The following ZNF536 variants were observed in gnomAD, a reference collection of about 807,000 sequenced individuals.
ZNF536 encodes the protein zinc finger protein 536.
A neutral mutation model predicts 84.5 loss-of-function variants in ZNF536; 13 were observed. That is an observed-to-expected ratio of 0.15 (90% CI 0.10 to 0.24). The LOEUF (loss-of-function observed/expected upper bound fraction) is 0.24, where lower values mean the gene tolerates loss of function less well. Among genes scored for constraint, ZNF536 ranks in the 10% least tolerant of loss-of-function variants. The probability of loss-of-function intolerance (pLI) is 1.00; values close to 1 mark genes in which losing one functional copy is unlikely to be tolerated. For missense variants in ZNF536, 1,536 were observed against 1,747.5 expected, an observed-to-expected ratio of 0.88 and a Z score of 2.16; for synonymous variants, 811 against 742.5, an observed-to-expected ratio of 1.09 and a Z score of -1.50.
At position 30,672,298 on chromosome 19, in the gene ZNF536, C is replaced by T. The variant is rs61620593; in HGVS notation, c.170-38459C>T. Among the ~76,000 whole-genome samples, 1,002 of 152,336 alleles carry T rather than the reference C, an allele frequency of 6.6e-3. 12 individuals carry two copies. The highest frequency in any genetic ancestry group is 0.023 in the African/African-American group (950 of 41,578). Reference sequence around the variant, plus strand: ...GATGTTATAGAGACTTAAGTGACCACCCCAGGGCTGCCGTTGCTCAGGTGT... The same window carrying T: ...GATGTTATAGAGACTTAAGTGACCATCCCAGGGCTGCCGTTGCTCAGGTGT... On this transcript the variant is annotated intron_variant, in intron 1 of 1. Coordinates refer to the ZNF536 transcript ENST00000592773.
intron 1 of ZNF536, among the ~76,000 whole-genome samples, chr19:30,427,131 A>C (rs2051250081): frequency 6.6e-6 from 1 of 152,180 alleles, no homozygotes; most frequent in South Asian, 2.1e-4. Flanking sequence ...GCCTCTGTTT[A>C]CCTATCTGTA....
intron 2 of ZNF536, among the ~76,000 whole-genome samples, chr19:30,331,905 C>T (rs887509887): frequency 1.3e-5 from 2 of 152,156 alleles, no homozygotes; most frequent in African/African-American, 4.8e-5. Flanking sequence ...ATTTTCATCA[C>T]TTCCTTGCAC....
At chr19:30,522,725 CCT>C (rs1568512886) in intron 2 of ZNF536, among the ~76,000 whole-genome samples, 1 of 151,972 alleles carries the variant, frequency 6.6e-6, no homozygotes, top group Admixed American at 6.6e-5. Context: ...ATTTTGGTCC[CCT>C]GTCTTAAATT....
intron 2 of ZNF536, among the ~76,000 whole-genome samples, chr19:30,515,604 AG>A (rs1447028853): frequency 6.6e-6 from 1 of 152,128 alleles, no homozygotes. Context: ...GGTAAAACAC[AG>A]GGGCTTTCTC....
intron 2 of ZNF536, among the ~76,000 whole-genome samples, chr19:30,285,032 C>A (rs1400641394): frequency 6.6e-6 from 1 of 152,204 alleles, no homozygotes; most frequent in African/African-American, 2.4e-5. Context: ...TTTTATCACA[C>A]AATGGGTAAT....
chr19:30,482,070 G>C (rs376276272), intron 2 of ZNF536, among the ~76,000 whole-genome samples: 3 of 152,226 alleles, frequency 2.0e-5, no homozygotes, highest in South Asian at 4.1e-4. Flanking sequence ...TTGATCAGTG[G>C]GTACTTAGGT....
exon 2 of ZNF536, chr19:30,713,091 T>G (rs1163214020): frequency 6.6e-6 from 1 of 152,344 alleles, no homozygotes; most frequent in East Asian, 1.9e-4. Flanking sequence ...GCAATAATTC[T>G]GTTTGTGACA....
chr19:30,597,395 C>T (rs1046738203), intron 1 of ZNF536, among the ~76,000 whole-genome samples: 1 of 152,232 alleles, frequency 6.6e-6, no homozygotes, highest in Admixed American at 6.5e-5. Context: ...AAAACACGGC[C>T]AATAGCACCC....
At chr19:30,675,282 C>T (rs1240613028) in intron 1 of ZNF536, among the ~76,000 whole-genome samples, 5 of 152,144 alleles carry the variant, frequency 3.3e-5, no homozygotes, top group African/African-American at 1.2e-4. Flanking sequence ...ATGGATTTGC[C>T]CTTGAGTTTG....
At chr19:30,235,826 T>C (rs1293447530) in intron 1 of ZNF536, among the ~76,000 whole-genome samples, 2 of 152,264 alleles carry the variant, frequency 1.3e-5, no homozygotes, top group Non-Finnish European at 2.9e-5. Flanking sequence ...GCTTTAATTA[T>C]TTTGCTTCCC....
At chr19:30,545,812 G>A (rs2045530093) in intron 3 of ZNF536, among the ~76,000 whole-genome samples, 1 of 152,176 alleles carries the variant, frequency 6.6e-6, no homozygotes, top group Admixed American at 6.5e-5. Flanking sequence ...TGAGAGGAAA[G>A]TCCACCTTCC....
At chr19:30,667,749 A>C (rs1811650133) in intron 1 of ZNF536, among the ~76,000 whole-genome samples, 1 of 151,420 alleles carries the variant, frequency 6.6e-6, no homozygotes. Flanking sequence ...TATAGAGTAC[A>C]TGAACAGCTC....
At chr19:30,404,145 G>A (rs1182092521) in intron 1 of ZNF536, among the ~76,000 whole-genome samples, 5 of 151,212 alleles carry the variant, frequency 3.3e-5, no homozygotes, top group African/African-American at 9.7e-5. Context: ...GAACTGTAGC[G>A]TAAGGCCAGC....
downstream of ZNF536, among the ~76,000 whole-genome samples, chr19:30,560,740 T>C (rs893406277): frequency 2.0e-5 from 3 of 152,240 alleles, no homozygotes; most frequent in Non-Finnish European, 4.4e-5. Context: ...TTTGATGAGA[T>C]TGTAGATATT....
chr19:30,415,122 T>TCTC (rs1179938404), intron 1 of ZNF536, among the ~76,000 whole-genome samples: 52 of 140,778 alleles, frequency 3.7e-4, no homozygotes, highest in African/African-American at 1.3e-3. Context: ...TTCTCCTTCT[T>TCTC]CTCCTCCTCC....
chr19:30,581,908 T>C (rs1255084831), intron 1 of ZNF536, among the ~76,000 whole-genome samples: 1 of 152,098 alleles, frequency 6.6e-6, no homozygotes. Flanking sequence ...CACTCCAGCC[T>C]GGTGACAGAG....
intron 1 of ZNF536, chr19:30,436,594 G>C (rs2051760241): frequency 1.4e-6 from 1 of 727,062 alleles, no homozygotes; most frequent in Non-Finnish European, 1.7e-6. Context: ...AGGTTCAGTA[G>C]TCTGATGTTC....
At chr19:30,255,278 G>A (rs970861290) in intron 1 of ZNF536, among the ~76,000 whole-genome samples, 2 of 152,096 alleles carry the variant, frequency 1.3e-5, no homozygotes, top group African/African-American at 4.8e-5. Flanking sequence ...AGCTTGGGGT[G>A]GTGAGAAGAG....
intron 2 of ZNF536, among the ~76,000 whole-genome samples, chr19:30,287,589 G>C (rs2045681963): frequency 7.0e-6 from 1 of 142,902 alleles, no homozygotes. Flanking sequence ...TGGATGGATG[G>C]ATAGATGGAT....
Sources: gnomAD v4.1 joint callset for allele counts (sites outside exome capture counted in the v4.1 genomes callset) on GRCh38, gnomAD v4.1.1 for gene constraint, MANE v1.5 for transcripts, NCBI Gene and HGNC (gene_info 2026-07-23, HGNC 2026-07-21) for gene names.